Variants in OR52K1 observed in about 807,000 individuals in gnomAD.
OR52K1 encodes the protein olfactory receptor 52K1.
In OR52K1, 10 loss-of-function variants were observed where a neutral mutation model predicts 8.7. The ratio of observed to expected loss-of-function variants is 1.15; its 90% confidence interval spans 0.71 to 1.95. The LOEUF is 1.95. Ranked by LOEUF, OR52K1 falls within the 30% of genes most tolerant of loss-of-function variation. The probability of loss-of-function intolerance (pLI) is 0.00; values close to 1 mark genes in which losing one functional copy is unlikely to be tolerated. For synonymous variants in OR52K1, 203 were observed against 148.5 expected (o/e 1.37, Z -2.67); for missense variants, 431 against 397.2 (o/e 1.08, Z -0.72).
At chr11:4,483,525 A>T (rs773316741) in intron 1 of OR52K1, among the ~76,000 whole-genome samples, 3 of 152,234 alleles carry the variant, frequency 2.0e-5, no homozygotes, top group Non-Finnish European at 4.4e-5. Flanking sequence ...AGAGCACTTC[A>T]TTCTGAGGAG....
chr11:4,486,748 TA>T (rs1239330838), intron 1 of OR52K1, among the ~76,000 whole-genome samples: 1 of 152,232 alleles, frequency 6.6e-6, no homozygotes, highest in African/African-American at 2.4e-5. Flanking sequence ...GTTTTGTTCA[TA>T]AATTTTTCCT....
At chr11:4,488,225 CAAT>C (rs1419411090) in intron 1 of OR52K1, among the ~76,000 whole-genome samples, 4 of 152,108 alleles carry the variant, frequency 2.6e-5, no homozygotes, top group Non-Finnish European at 5.9e-5. Flanking sequence ...GAAATTTCTA[CAAT>C]GATGGAAATA....
At position 4,489,947 on chromosome 11, in the gene OR52K1, C is replaced by G; in HGVS notation, c.*102C>G. The G allele has an allele frequency of 1.2e-6, 1 of 823,084 alleles. No individual in the cohort carries two copies. The highest frequency in any genetic ancestry group is 1.9e-6 in the Non-Finnish European group (1 of 518,268). The allele number at this position is 823,084 out of a possible 1,614,324, so 51.0% of individuals were successfully genotyped here. On this transcript the variant is annotated 3_prime_UTR_variant, in exon 2 of 2. Transcript: ENST00000641528. The stretch of plus-strand genomic sequence containing the variant: ...TAGGAAAATTGCAGAGTATCTTTGA[C>G]AATTCTCTAGTATGATAAGGAAAAT...
rs546083316 is a variant in OR52K1, at chr11:4,489,788, C to G, written c.888C>G (p.Val296=). 45 of 1,613,772 alleles carry G rather than the reference C, an allele frequency of 2.8e-5. No individual in the cohort carries two copies. In the South Asian group the frequency reaches 4.7e-4, roughly 17 times the overall value. The change falls in exon 2 of 2, where the codon GTC becomes GTG. Residue 296 remains valine, a synonymous_variant. Transcript: ENST00000641528. ...TGGTCAATCCTATCATATATGGAGT[C>G]AAGACCAAGCAGATTCGTGAGTATG... The part of the protein sequence containing the change: ...PPMVNPIIYG[V]KTKQIREYVL...
chr11:4,491,416 G>C lies in OR52K1; in HGVS notation c.*1571G>C, dbSNP rs1375959062. On this transcript the variant is annotated 3_prime_UTR_variant, in exon 2 of 2. Coordinates refer to ENST00000641528, the MANE Select transcript of OR52K1 (RefSeq NM_001005171.3). ...AAAAACAGAAATACCATTTGACTGAGTGATCCTTTAGTGGGTATGTACCCA... is the reference window on the plus strand; with the variant it reads ...AAAAACAGAAATACCATTTGACTGACTGATCCTTTAGTGGGTATGTACCCA... 6.6e-6 allele frequency: 1 copy of C among 152,200 alleles called. No homozygotes were observed. Among genetic ancestry groups the C allele is most frequent in the Non-Finnish European group, 1.5e-5 (1 of 68,060 alleles). The allele number at this position is 152,200 out of a possible 1,614,324, so 9.4% of individuals were successfully genotyped here.
chr11:4,484,195 C>T (rs1056359180), intron 1 of OR52K1, among the ~76,000 whole-genome samples: 12 of 152,062 alleles, frequency 7.9e-5, no homozygotes, highest in African/African-American at 2.7e-4. Context: ...AACTCCAGTC[C>T]CTTCACTTCA....
In OR52K1 at chr11:4,490,767, TTTAAG is replaced by T. The variant is rs1846368031; in HGVS notation, c.*926_*930del. 1 of 152,220 alleles carries T rather than the reference TTTAAG, an allele frequency of 6.6e-6. No homozygotes were observed. The highest frequency in any genetic ancestry group is 1.5e-5 in the Non-Finnish European group (1 of 68,036). 9.4% of individuals were successfully genotyped at this position (152,220 alleles called of 1,614,324 possible). A position where few individuals can be genotyped will look rare whatever the true frequency, so the allele number is the denominator to read the frequency against. ...TATATTTACTGTATGTTTTTTAACT[TTTAAG>T]TTACATGTACAGGTTTGTTATCTAG... On this transcript the variant is annotated 3_prime_UTR_variant, in exon 2 of 2. Transcript: ENST00000641528.
chr11:4,488,993 C>T lies in OR52K1; in HGVS notation c.93C>T (p.Ile31=), dbSNP rs764791360. 6.2e-7 allele frequency: 1 copy of T among 1,614,144 alleles called. No individual in the cohort carries two copies. Among genetic ancestry groups the T allele is most frequent in the Non-Finnish European group, 8.5e-7 (1 of 1,180,002 alleles). ...GLEHLHAWIS[I]PFCFAYTLAL... The stretch of plus-strand genomic sequence containing the variant: ...AACACCTGCATGCCTGGATCTCCAT[C>T]CCCTTCTGCTTTGCTTATACTCTGG... The change falls in exon 2 of 2, where the codon ATC becomes ATT. Residue 31 remains isoleucine, a synonymous_variant. Transcript: ENST00000641528.
At chr11:4,484,304 G>C (rs1184599557) in intron 1 of OR52K1, among the ~76,000 whole-genome samples, 1 of 152,192 alleles carries the variant, frequency 6.6e-6, no homozygotes, top group Non-Finnish European at 1.5e-5. Context: ...GCTGGGAGAT[G>C]CTGTGGCTTG....
At chr11:4,487,657 T>C (rs1195905012) in intron 1 of OR52K1, among the ~76,000 whole-genome samples, 1 of 152,216 alleles carries the variant, frequency 6.6e-6, no homozygotes, top group African/African-American at 2.4e-5. Flanking sequence ...CTATTAGCTA[T>C]AATATCTTAG....
In OR52K1 at chr11:4,489,113, T is replaced by C. The variant is rs200029336; in HGVS notation, c.213T>C (p.Ile71=). ...MYLFLAMLAT[I]DLVLSSTTLP... ...TCTTTCTGGCCATGTTGGCAACCATTGACTTGGTTCTTTCTTCTACAACGC... is the reference window on the plus strand; with the variant it reads ...TCTTTCTGGCCATGTTGGCAACCATCGACTTGGTTCTTTCTTCTACAACGC... The change falls in exon 2 of 2, where the codon ATT becomes ATC. Residue 71 remains isoleucine (I), a synonymous_variant. Transcript: ENST00000641528. The C allele has an allele frequency of 1.2e-6, 2 of 1,614,220 alleles. No individual in the cohort carries two copies. Among genetic ancestry groups the C allele is most frequent in the South Asian group, 2.2e-5 (2 of 91,084 alleles).
rs1846341700 is a variant in OR52K1 at position 4,488,881 on chromosome 11, CAAG to C, written c.-19_-17del. The C allele has an allele frequency of 6.3e-7, 1 of 1,579,046 alleles. No individual in the cohort carries two copies. The highest frequency in any genetic ancestry group is 1.3e-5 in the African/African-American group (1 of 74,124). On this transcript the variant is annotated 5_prime_UTR_variant, in exon 2 of 2. Coordinates refer to ENST00000641528, the MANE Select transcript of OR52K1 (RefSeq NM_001005171.3). ...GGTGAAGAAGCCCTGTAAAAATTGACAAGGAGATTTCCAGGAGCCATGCTTCCC... is the reference window on the plus strand; with the variant it reads ...GGTGAAGAAGCCCTGTAAAAATTGACGAGATTTCCAGGAGCCATGCTTCCC...
In OR52K1 at chr11:4,489,897, T is replaced by C; in HGVS notation, c.*52T>C. 1 of 1,345,298 alleles carries C rather than the reference T, an allele frequency of 7.4e-7. No individual in the cohort carries two copies. Among genetic ancestry groups the C allele is most frequent in the Non-Finnish European group, 1.0e-6 (1 of 976,860 alleles). 83.3% of individuals were successfully genotyped at this position (1,345,298 alleles called of 1,614,324 possible). On this transcript the variant is annotated 3_prime_UTR_variant, in exon 2 of 2. Coordinates refer to ENST00000641528, the MANE Select transcript of OR52K1 (RefSeq NM_001005171.3). ...CTTGCCAAGTAATGAGAATGCTGGA[T>C]TGGGGTTGAGGGGAAAAATCTAAAT...
rs1206127435 is a variant in OR52K1 at position 4,489,302 on chromosome 11, C to T, written c.402C>T (p.Tyr134=). The change falls in exon 2 of 2, where the codon TAC becomes TAT. Residue 134 remains tyrosine, a synonymous_variant. Transcript: ENST00000641528. ...TGGCCATCTGCAAGCCATTGCACTA[C>T]ACGACGGTCCTGACTGGGTCCCTCA... ...RYVAICKPLH[Y]TTVLTGSLIT... is the part of the protein sequence containing the mutation. 1.2e-6 allele frequency: 2 copies of T among 1,614,232 alleles called. No homozygotes were observed. The highest frequency in any genetic ancestry group is 2.2e-5 in the East Asian group (1 of 44,882).
rs768344079 is a variant in OR52K1, at chr11:4,489,182, C to A, written c.282C>A (p.Ile94=). ...LAIFWFRDQE[I]NFFACLVQMF... ...TATTCTGGTTCAGGGATCAGGAGAT[C>A]AACTTCTTTGCCTGTCTGGTCCAGA... is the stretch of plus-strand genomic sequence containing the variant. The change falls in exon 2 of 2, where the codon ATC becomes ATA. Residue 94 remains isoleucine (I), a synonymous_variant. Transcript: ENST00000641528. 74 of 1,614,084 alleles carry A rather than the reference C, an allele frequency of 4.6e-5. No individual in the cohort carries two copies. The East Asian group carries it at 1.6e-3, about 35-fold the overall frequency.
At chr11:4,484,882 T>C (rs184731320) in intron 1 of OR52K1, among the ~76,000 whole-genome samples, 48 of 150,992 alleles carry the variant, frequency 3.2e-4, no homozygotes, top group Non-Finnish European at 6.2e-4. Context: ...TTGACTTCGC[T>C]TTCCATTTTA....
rs77649834 is a variant in OR52K1, at chr11:4,483,821, C to T, written c.-329+645C>T. ...CAGTATTTTAGAAGAGTTTCTTAGACGCCAGGCATGTTTCTAGGTACTGAT... is the reference window on the plus strand; with the variant it reads ...CAGTATTTTAGAAGAGTTTCTTAGATGCCAGGCATGTTTCTAGGTACTGAT... On this transcript the variant is annotated intron_variant, in intron 1 of 1. Coordinates refer to ENST00000641528, the MANE Select transcript of OR52K1 (RefSeq NM_001005171.3). Among the ~76,000 whole-genome samples, 745 of 152,174 alleles carry T rather than the reference C, an allele frequency of 4.9e-3. 4 individuals carry two copies. The highest frequency in any genetic ancestry group is 0.017 in the African/African-American group (704 of 41,508).
At position 4,488,730 on chromosome 11, in the gene OR52K1, C is replaced by T. The variant is rs1020075432; in HGVS notation, c.-171C>T. On this transcript the variant is annotated 5_prime_UTR_variant, in exon 2 of 2. Coordinates refer to ENST00000641528, the MANE Select transcript of OR52K1 (RefSeq NM_001005171.3). ...GTAGAAAATATGGATTATACTTCTC[C>T]ATGTCTATGAAGGCTGCTAGGTTAT... 4 of 593,944 alleles carry T rather than the reference C, an allele frequency of 6.7e-6. No individual in the cohort carries two copies. Among genetic ancestry groups the T allele is most frequent in the Admixed American group, 3.1e-5 (1 of 32,134 alleles). The allele number at this position is 593,944 out of a possible 1,614,324, so 36.8% of individuals were successfully genotyped here.
At position 4,492,911 on chromosome 11, in the gene OR52K1, T is replaced by C. The variant is rs763650443; in HGVS notation, c.*3066T>C. 33 of 191,224 alleles carry C rather than the reference T, an allele frequency of 1.7e-4. No individual in the cohort carries two copies. Among genetic ancestry groups the C allele is most frequent in the Middle Eastern group, 2.3e-3 (1 of 428 alleles). The allele number at this position is 191,224 out of a possible 1,614,324, so 11.8% of individuals were successfully genotyped here. ...GGCCCCGAATGCCTGGCTGCACTGT[T>C]ATTTATTGGATACAAGGCAAAAGGG... On this transcript the variant is annotated 3_prime_UTR_variant, in exon 2 of 2. Transcript: ENST00000641528.
Sources: allele counts gnomAD v4.1 joint callset (sites outside exome capture counted in the v4.1 genomes callset), GRCh38; gene constraint gnomAD v4.1.1; transcripts MANE v1.5; gene names NCBI Gene and HGNC (gene_info 2026-07-23, HGNC 2026-07-21).